The following EYA1 variants were observed in gnomAD, a reference collection of about 807,000 sequenced individuals.
EYA1 encodes the protein protein phosphatase EYA1.
In EYA1, 16 loss-of-function variants were observed where a neutral mutation model predicts 82.0. The observed-to-expected ratio is 0.20, with a 90% CI of 0.13 to 0.30. The LOEUF (loss-of-function observed/expected upper bound fraction) is 0.30. Ranked by LOEUF, EYA1 falls within the 10% of genes least tolerant of loss-of-function variation. EYA1 has a pLI of 1.00. For synonymous variants in EYA1, 261 were observed against 264.4 expected, an observed-to-expected ratio of 0.99 and a Z score of 0.12; for missense variants, 633 against 730.7, an observed-to-expected ratio of 0.87 and a Z score of 1.54.
intron 2 of EYA1, among the ~76,000 whole-genome samples, chr8:71,374,946 T>G (rs1828285070): frequency 6.6e-6 from 1 of 152,090 alleles, no homozygotes; most frequent in South Asian, 2.1e-4. Flanking sequence ...TCTTTAAAAG[T>G]CAAATACATA....
At chr8:71,276,213 C>A (rs1231915116) in intron 9 of EYA1, among the ~76,000 whole-genome samples, 1 of 152,190 alleles carries the variant, frequency 6.6e-6, no homozygotes, top group East Asian at 1.9e-4. Context: ...TGTTATCTTG[C>A]ACTAATAATA....
At chr8:71,294,452 G>A (rs183936622) in intron 9 of EYA1, among the ~76,000 whole-genome samples, 1,672 of 129,772 alleles carry the variant, frequency 0.013, 24 homozygotes, top group Non-Finnish European at 0.015. Flanking sequence ...AGGAGACTCC[G>A]TCTCAAAAAA....
chr8:71,453,585 T>C (rs982720483), intron 2 of EYA1, among the ~76,000 whole-genome samples: 1 of 152,214 alleles, frequency 6.6e-6, no homozygotes, highest in African/African-American at 2.4e-5. Context: ...GCAGAAACTC[T>C]ACAAGCCAGA....
chr8:71,405,201 T>G (rs766093720), intron 2 of EYA1, among the ~76,000 whole-genome samples: 1 of 152,200 alleles, frequency 6.6e-6, no homozygotes, highest in Non-Finnish European at 1.5e-5. Context: ...TATTTCCTTT[T>G]CTGAATCATT....
chr8:71,459,267 T>C (rs970815968), intron 2 of EYA1, among the ~76,000 whole-genome samples: 8 of 152,178 alleles, frequency 5.3e-5, no homozygotes, highest in Non-Finnish European at 1.2e-4. Flanking sequence ...TGGCCAAACT[T>C]TTATTTGCGG....
At chr8:71,405,576 T>A (rs1212270072) in intron 2 of EYA1, among the ~76,000 whole-genome samples, 1 of 152,198 alleles carries the variant, frequency 6.6e-6, no homozygotes, top group East Asian at 1.9e-4. Flanking sequence ...CTGCACTATG[T>A]CTGGTACACA....
intron 2 of EYA1, among the ~76,000 whole-genome samples, chr8:71,476,936 AT>A (rs1257033571): frequency 6.6e-6 from 1 of 151,930 alleles, no homozygotes; most frequent in Non-Finnish European, 1.5e-5. Flanking sequence ...ATCTAGGTCG[AT>A]TTTTTTTCAA....
chr8:71,503,327 C>T (rs1227243199), intron 2 of EYA1, among the ~76,000 whole-genome samples: 1 of 151,850 alleles, frequency 6.6e-6, no homozygotes, highest in African/African-American at 2.4e-5. Context: ...ACAAAAATTA[C>T]CTGGGCGTGG....
intron 12 of EYA1, among the ~76,000 whole-genome samples, chr8:71,238,987 T>C (rs1471990817): frequency 2.0e-5 from 3 of 152,190 alleles, no homozygotes; most frequent in South Asian, 2.1e-4. Flanking sequence ...CTGTGTTAAA[T>C]AGCTATATTT....
intron 2 of EYA1, among the ~76,000 whole-genome samples, chr8:71,457,392 C>T (rs1373570145): frequency 1.3e-5 from 2 of 152,022 alleles, no homozygotes; most frequent in African/African-American, 2.4e-5. Context: ...ACCATTTGAC[C>T]CAGCCATCTC....
At chr8:71,455,656 A>G (rs1413420332) in intron 2 of EYA1, among the ~76,000 whole-genome samples, 1 of 152,188 alleles carries the variant, frequency 6.6e-6, no homozygotes, top group Non-Finnish European at 1.5e-5. Flanking sequence ...AAAGACAAAA[A>G]CCACATGATT....
At chr8:71,389,284 T>C (rs1002908639) in intron 2 of EYA1, among the ~76,000 whole-genome samples, 1 of 152,150 alleles carries the variant, frequency 6.6e-6, no homozygotes, top group African/African-American at 2.4e-5. Context: ...TTTTTGAACA[T>C]ATTATAAATA....
intron 2 of EYA1, among the ~76,000 whole-genome samples, chr8:71,383,821 A>C (rs190899650): frequency 2.2e-4 from 33 of 152,240 alleles, no homozygotes; most frequent in Admixed American, 1.6e-3. Flanking sequence ...TTGTTCCTTG[A>C]AAAAAGAAAA....
At chr8:71,462,057 T>G (rs532137472) in intron 2 of EYA1, among the ~76,000 whole-genome samples, 1 of 152,038 alleles carries the variant, frequency 6.6e-6, no homozygotes, top group South Asian at 2.1e-4. Context: ...AAGTTCCCAC[T>G]CCAGTCCTCA....
intron 2 of EYA1, among the ~76,000 whole-genome samples, chr8:71,465,629 T>C (rs1808716476): frequency 6.6e-6 from 1 of 152,000 alleles, no homozygotes; most frequent in Admixed American, 6.6e-5. Flanking sequence ...TTCAAAAAAA[T>C]AAATAAACAA....
upstream of EYA1, among the ~76,000 whole-genome samples, chr8:71,362,709 T>C (rs1277196732): frequency 6.6e-6 from 1 of 152,184 alleles, no homozygotes; most frequent in Non-Finnish European, 1.5e-5. Context: ...CCAGATAATG[T>C]TTCAGTGTTA....
At chr8:71,358,254 A>AG (rs1450133378) in intron 1 of EYA1, among the ~76,000 whole-genome samples, 1 of 152,204 alleles carries the variant, frequency 6.6e-6, no homozygotes, top group Admixed American at 6.5e-5. Context: ...ATAAAGAAAA[A>AG]GTGAACTTCA....
At chr8:71,310,033 C>T (rs1248241961) in intron 7 of EYA1, among the ~76,000 whole-genome samples, 1 of 152,134 alleles carries the variant, frequency 6.6e-6, no homozygotes, top group African/African-American at 2.4e-5. Flanking sequence ...GCAGCCCCTT[C>T]GATCTATCAT....
At chr8:71,511,764 C>T (rs1173109193) in intron 2 of EYA1, among the ~76,000 whole-genome samples, 1 of 152,148 alleles carries the variant, frequency 6.6e-6, no homozygotes, top group Non-Finnish European at 1.5e-5. Flanking sequence ...TAAATCAAGC[C>T]TCACGATTGA....
Sources: allele counts gnomAD v4.1 joint callset (sites outside exome capture counted in the v4.1 genomes callset), GRCh38; gene constraint gnomAD v4.1.1; transcripts MANE v1.5; gene names NCBI Gene and HGNC (gene_info 2026-07-23, HGNC 2026-07-21).